The following OTOA variants were observed in gnomAD, a reference collection of about 807,000 sequenced individuals.
OTOA encodes the protein otoancorin, also known as cancer/testis antigen 108.
In OTOA, 70 loss-of-function variants were observed where a neutral mutation model predicts 110.8. That is an observed-to-expected ratio of 0.63 (90% CI 0.52 to 0.77). The LOEUF is 0.77. Ranked by LOEUF, OTOA falls within the 30% of genes least tolerant of loss-of-function variation. The probability of loss-of-function intolerance (pLI) is 0.00; values close to 1 mark genes in which losing one functional copy is unlikely to be tolerated. For missense variants in OTOA, 917 were observed against 1,075.8 expected, an observed-to-expected ratio of 0.85 and a Z score of 2.06; for synonymous variants, 373 against 431.5, an observed-to-expected ratio of 0.86 and a Z score of 1.68.
chr16:21,721,588 C>G (rs534302139), intron 17 of OTOA: 6 of 432,430 alleles, frequency 1.4e-5, no homozygotes, highest in South Asian at 9.5e-5. Context: ...TGAGAGTTTT[C>G]TTTTATATAT....
At chr16:21,718,307 C>G (rs900377661) in intron 15 of OTOA, among the ~76,000 whole-genome samples, 1 of 152,106 alleles carries the variant, frequency 6.6e-6, no homozygotes, top group Admixed American at 6.5e-5. Flanking sequence ...CTTCAAGATA[C>G]TTTTGTCTCG....
intron 5 of OTOA, 140 bp downstream of exon 5, chr16:21,679,351 A>C (rs1303658843): frequency 1.0e-6 from 1 of 1,001,938 alleles, no homozygotes; most frequent in Non-Finnish European, 1.5e-6. Flanking sequence ...AAAAGTCAAC[A>C]AACACCCTTG....
intron 12 of OTOA, among the ~76,000 whole-genome samples, chr16:21,708,070 C>T (rs1320545118): frequency 3.3e-5 from 5 of 151,896 alleles, no homozygotes; most frequent in Admixed American, 2.0e-4. Context: ...GGACTACAGG[C>T]GTGAGCCACC....
intron 12 of OTOA, among the ~76,000 whole-genome samples, chr16:21,705,803 G>T (rs944180983): frequency 1.3e-5 from 2 of 152,178 alleles, no homozygotes; most frequent in Non-Finnish European, 1.5e-5. Context: ...AACAGGCGTG[G>T]TGGCATGCGC....
intron 9 of OTOA, among the ~76,000 whole-genome samples, chr16:21,694,345 G>A (rs548125368): frequency 2.6e-5 from 4 of 152,158 alleles, no homozygotes; most frequent in African/African-American, 4.8e-5. Flanking sequence ...TGGAGGCTGA[G>A]GGGGGGAGGA....
chr16:21,713,736 C>T (rs973055700), intron 13 of OTOA, among the ~76,000 whole-genome samples: 2 of 152,154 alleles, frequency 1.3e-5, no homozygotes, highest in Admixed American at 1.3e-4. Context: ...GCACCATGAC[C>T]AATGCCCACG....
intron 1 of OTOA, among the ~76,000 whole-genome samples, chr16:21,675,837 C>G (rs1043224060): frequency 6.6e-6 from 1 of 152,054 alleles, no homozygotes; most frequent in African/African-American, 2.4e-5. Flanking sequence ...TCTTCTGTGT[C>G]ATTTCTGGAT....
intron 6 of OTOA, among the ~76,000 whole-genome samples, chr16:21,684,997 G>T (rs1357514790): frequency 1.3e-5 from 2 of 151,922 alleles, no homozygotes; most frequent in Non-Finnish European, 2.9e-5. Context: ...TGATCCACCC[G>T]CCTCGGCCTC....
chr16:21,706,945 C>T (rs990752365), intron 12 of OTOA, among the ~76,000 whole-genome samples: 3 of 149,580 alleles, frequency 2.0e-5, no homozygotes, highest in African/African-American at 7.4e-5. Context: ...GTTCAAGTGG[C>T]ACAATTTCAG....
chr16:21,727,316 C>T (rs956399496), intron 19 of OTOA, among the ~76,000 whole-genome samples: 1 of 152,134 alleles, frequency 6.6e-6, no homozygotes, highest in African/African-American at 2.4e-5. Context: ...CATACCTAGT[C>T]TCCTCATAGA....
intron 11 of OTOA, chr16:21,704,905 G>A (rs1898125987): frequency 1.0e-5 from 8 of 779,474 alleles, no homozygotes; most frequent in Non-Finnish European, 9.5e-6. Flanking sequence ...GGTGATGCCA[G>A]GACTCATTCT....
intron 10 of OTOA, among the ~76,000 whole-genome samples, chr16:21,700,151 T>C (rs1898022993): frequency 6.6e-6 from 1 of 152,068 alleles, no homozygotes; most frequent in Non-Finnish European, 1.5e-5. Flanking sequence ...GTTGAATATA[T>C]ATGCACCAAA....
chr16:21,722,124 T>C (rs1190939702), intron 17 of OTOA, among the ~76,000 whole-genome samples: 14 of 147,350 alleles, frequency 9.5e-5, no homozygotes, highest in South Asian at 2.1e-4. Flanking sequence ...TAGCCGTGCA[T>C]GGTGGGGGGT....
chr16:21,709,182 A>T lies in OTOA; in HGVS notation c.1105-706A>T, dbSNP rs377437418. ...TGTGGTGGCTCATGCCTCTAATCCC[A>T]GCACTTTGGGAGGCTGAGGCATGTG... On this transcript the variant is annotated intron_variant, in intron 12 of 28. Transcript: ENST00000646100. 7.9e-5 allele frequency among the ~76,000 whole-genome samples: 12 copies of T among 152,324 alleles called. No homozygotes were observed. The East Asian group carries it at 1.3e-3, about 17-fold the overall frequency.
chr16:21,729,513 C>T (rs981853973), intron 20 of OTOA: 1 of 152,160 alleles, frequency 6.6e-6, no homozygotes, highest in African/African-American at 2.4e-5. Context: ...ATTGGATTCT[C>T]ATTATCATCC....
intron 15 of OTOA, 135 bp from the exon 16 acceptor site, chr16:21,718,998 A>G (rs1898639674): frequency 2.3e-6 from 2 of 853,442 alleles, no homozygotes; most frequent in South Asian, 2.7e-5. Context: ...AGTCCTAGGT[A>G]ACTCACATAG....
rs1400323233 is a variant in OTOA at position 21,707,665 on chromosome 16, TTCTC to T, written c.1105-2221_1105-2218del. 2.2e-5 allele frequency among the ~76,000 whole-genome samples: 3 copies of T among 137,236 alleles called. 1 individual carries two copies. Among genetic ancestry groups the T allele is most frequent in the Non-Finnish European group, 4.9e-5 (3 of 61,546 alleles). The allele number at this position is 137,236 out of a possible 152,430, so 90.0% of individuals were successfully genotyped here. A position where few individuals can be genotyped will look rare whatever the true frequency, so the allele number is the denominator to read the frequency against. ...TCTTTCTTTCTTTCTTTCTCTTTCT[TTCTC>T]TTTCTGTCTCTCTCTTTCTTTCTTC... On this transcript the variant is annotated intron_variant, in intron 12 of 28. Coordinates refer to ENST00000646100, the MANE Select transcript of OTOA (RefSeq NM_144672.4).
chr16:21,682,652 T>C (rs1966915238), intron 6 of OTOA, among the ~76,000 whole-genome samples: 1 of 152,232 alleles, frequency 6.6e-6, no homozygotes, highest in Middle Eastern at 3.2e-3. Context: ...GCATGTTGTG[T>C]CTTTATCATC....
intron 22 of OTOA, 67 bp downstream of exon 22, chr16:21,736,457 A>C: frequency 9.5e-6 from 15 of 1,579,226 alleles, no homozygotes; most frequent in Non-Finnish European, 1.3e-5. Context: ...AGGGTCCCTG[A>C]CATCAAGAGG....
Sources: allele counts gnomAD v4.1 joint callset (sites outside exome capture counted in the v4.1 genomes callset), GRCh38; gene constraint gnomAD v4.1.1; transcripts MANE v1.5; gene names NCBI Gene and HGNC (gene_info 2026-07-23, HGNC 2026-07-21).